RBFOX1: variants seen among roughly 807,000 people sequenced by gnomAD.
The protein encoded by RBFOX1 is RNA binding protein fox-1 homolog 1.
In RBFOX1, 8 loss-of-function variants were observed where a neutral mutation model predicts 57.7. That is an observed-to-expected ratio of 0.14 (90% CI 0.08 to 0.25). The LOEUF is 0.25. RBFOX1 is among the 10% of genes least tolerant of loss of function. The pLI is 1.00. For missense variants in RBFOX1, 611 were observed against 548.5 expected, an observed-to-expected ratio of 1.11 and a Z score of -1.14; for synonymous variants, 326 against 222.4, an observed-to-expected ratio of 1.47 and a Z score of -4.15.
At chr16:5,690,765 G>A (rs74004494) in intron 3 of RBFOX1, among the ~76,000 whole-genome samples, 3,521 of 152,254 alleles carry the variant, frequency 0.023, 138 homozygotes, top group African/African-American at 0.079. Flanking sequence ...CTAAGAAGCT[G>A]TGTTCTCCTG....
chr16:5,782,526 C>G (rs927340985), intron 3 of RBFOX1, among the ~76,000 whole-genome samples: 3 of 152,136 alleles, frequency 2.0e-5, no homozygotes, highest in Admixed American at 2.0e-4. Flanking sequence ...AGAATTTGGG[C>G]AAATACATCT....
At position 6,498,514 on chromosome 16, in the gene RBFOX1, C is replaced by G. The variant is rs529644220; in HGVS notation, c.-63-156089C>G. ...TGGGGCTTGGTTCAGCAATCAGGCC[C>G]TTTTAGACCCATAGATTTTGCCTGC... On this transcript the variant is annotated intron_variant, in intron 2 of 15. Transcript: ENST00000550418. Among the ~76,000 whole-genome samples, 6 of 152,276 alleles carry G rather than the reference C, an allele frequency of 3.9e-5. No homozygotes were observed. The East Asian group carries it at 9.7e-4, about 25-fold the overall frequency.
At chr16:6,902,810 C>T (rs966729894) in intron 3 of RBFOX1, among the ~76,000 whole-genome samples, 2 of 152,166 alleles carry the variant, frequency 1.3e-5, no homozygotes, top group Non-Finnish European at 2.9e-5. Flanking sequence ...AAAGCTTTAA[C>T]ATTATCCATG....
intron 4 of RBFOX1, among the ~76,000 whole-genome samples, chr16:7,507,637 C>T (rs1463953987): frequency 2.2e-5 from 3 of 139,138 alleles, no homozygotes; most frequent in Non-Finnish European, 4.6e-5. Flanking sequence ...GATCTTGGCT[C>T]GCTGCAAGCT....
intron 1 of RBFOX1, among the ~76,000 whole-genome samples, chr16:6,282,671 A>G (rs917101979): frequency 2.0e-5 from 3 of 152,082 alleles, no homozygotes; most frequent in African/African-American, 7.2e-5. Flanking sequence ...TTTGCTGAGA[A>G]TGATGGTTTC....
intron 1 of RBFOX1, among the ~76,000 whole-genome samples, chr16:6,049,647 A>G (rs1406663616): frequency 6.6e-6 from 1 of 152,178 alleles, no homozygotes; most frequent in East Asian, 1.9e-4. Flanking sequence ...ATAGTGGTTT[A>G]ATTTTCCAAT....
intron 4 of RBFOX1, among the ~76,000 whole-genome samples, chr16:7,500,724 G>C (rs2070480804): frequency 6.6e-6 from 1 of 152,118 alleles, no homozygotes; most frequent in Admixed American, 6.6e-5. Flanking sequence ...TGTATGTAAG[G>C]CTTAAAACGA....
At chr16:7,193,588 G>A (rs563791898) in intron 4 of RBFOX1, among the ~76,000 whole-genome samples, 67 of 152,222 alleles carry the variant, frequency 4.4e-4, no homozygotes, top group African/African-American at 1.5e-3. Flanking sequence ...ATGCATTACC[G>A]TCCTTGATCC....
intron 14 of RBFOX1, among the ~76,000 whole-genome samples, chr16:7,690,875 A>G (rs936279563): frequency 7.2e-5 from 11 of 152,172 alleles, no homozygotes; most frequent in African/African-American, 2.2e-4. Context: ...GCAACATGCA[A>G]TCTCCCCTTA....
At chr16:5,331,564 A>C (rs1241465407) in intron 1 of RBFOX1, among the ~76,000 whole-genome samples, 2 of 152,224 alleles carry the variant, frequency 1.3e-5, no homozygotes, top group African/African-American at 4.8e-5. Context: ...AAACTCTTTG[A>C]GCCTTTGCAG....
chr16:7,334,101 C>G (rs1044825673), intron 4 of RBFOX1, among the ~76,000 whole-genome samples: 1 of 152,132 alleles, frequency 6.6e-6, no homozygotes, highest in Non-Finnish European at 1.5e-5. Context: ...TTTCTGGGAA[C>G]CATTCTGGTC....
intron 3 of RBFOX1, among the ~76,000 whole-genome samples, chr16:5,805,876 T>A (rs1597326491): frequency 1.3e-5 from 2 of 152,156 alleles, no homozygotes; most frequent in Admixed American, 1.3e-4. Flanking sequence ...GATCCATCAA[T>A]ATGGTTTCAG....
At chr16:6,422,489 A>G (rs540106578) in intron 2 of RBFOX1, among the ~76,000 whole-genome samples, 1 of 152,182 alleles carries the variant, frequency 6.6e-6, no homozygotes, top group South Asian at 2.1e-4. Flanking sequence ...TCACACTGCT[A>G]TAAAGAAATG....
At chr16:6,829,517 G>A (rs1268759264) in intron 3 of RBFOX1, among the ~76,000 whole-genome samples, 1 of 150,712 alleles carries the variant, frequency 6.6e-6, no homozygotes, top group East Asian at 2.0e-4. Context: ...TAACTTATAG[G>A]TACTTAGTAT....
chr16:6,481,750 C>A (rs986396007), intron 2 of RBFOX1, among the ~76,000 whole-genome samples: 1 of 152,078 alleles, frequency 6.6e-6, no homozygotes, highest in Non-Finnish European at 1.5e-5. Flanking sequence ...TTCATGGCAT[C>A]ATTATTGTGA....
chr16:5,439,989 A>C (rs928452188), intron 1 of RBFOX1, among the ~76,000 whole-genome samples: 4 of 152,192 alleles, frequency 2.6e-5, no homozygotes, highest in Non-Finnish European at 4.4e-5. Context: ...GCCAGAGCTA[A>C]AGATATTAGT....
chr16:5,278,162 C>T (rs1470137629), intron 1 of RBFOX1, among the ~76,000 whole-genome samples: 3 of 152,178 alleles, frequency 2.0e-5, no homozygotes, highest in Admixed American at 2.0e-4. Context: ...TACTTGCCAG[C>T]ATTTGTTGTG....
At chr16:6,316,909 T>C (rs1417836999) in intron 1 of RBFOX1, 86 bp from the exon 2 acceptor site, 1 of 1,058,198 alleles carries the variant, frequency 9.5e-7, no homozygotes, top group East Asian at 2.6e-5. Context: ...TGAAGGTTGG[T>C]CCATATTACT....
At chr16:5,656,637 A>C (rs140495992) in intron 3 of RBFOX1, among the ~76,000 whole-genome samples, 1 of 152,196 alleles carries the variant, frequency 6.6e-6, no homozygotes, top group Non-Finnish European at 1.5e-5. Flanking sequence ...AATTAAGAAC[A>C]CTTAACATAA....
Sources: allele counts gnomAD v4.1 joint callset (sites outside exome capture counted in the v4.1 genomes callset), GRCh38; gene constraint gnomAD v4.1.1; transcripts MANE v1.5; gene names NCBI Gene and HGNC (gene_info 2026-07-23, HGNC 2026-07-21).